The following DMD variants were observed in gnomAD, a reference collection of about 807,000 sequenced individuals.
DMD encodes mutant dystrophin.
DMD carries 63 observed loss-of-function variants against 330.1 expected under a neutral mutation model. The ratio of observed to expected loss-of-function variants is 0.19; its 90% CI spans 0.16 to 0.24. DMD has a LOEUF of 0.24. Among genes scored for constraint, DMD ranks in the 10% least tolerant of loss-of-function variants. DMD has a pLI of 1.00. For synonymous variants in DMD, 1,223 were observed against 959.8 expected (o/e 1.27, Z -5.07); for missense variants, 3,344 against 2,684.1 (o/e 1.25, Z -5.43).
chrX:32,707,270 C>A (rs1390742007), intron 7 of DMD, among the ~76,000 whole-genome samples: 1 of 112,026 alleles, frequency 8.9e-6, no homozygotes, highest in African/African-American at 3.2e-5. Context: ...AAGGAAGTTA[C>A]GAATAAATAA....
intron 43 of DMD, among the ~76,000 whole-genome samples, chrX:32,266,401 C>T (rs1157532531): frequency 1.8e-5 from 2 of 112,057 alleles, no homozygotes; most frequent in African/African-American, 3.2e-5. Flanking sequence ...TGAGAACAGA[C>T]TAATACAGAC....
chrX:32,099,463 T>C (rs775828005), intron 44 of DMD, among the ~76,000 whole-genome samples: 1 of 109,814 alleles, frequency 9.1e-6, no homozygotes, highest in South Asian at 4.0e-4. Context: ...TGCGGCTCTA[T>C]TCACAATAGC....
chrX:31,287,729 T>C lies in DMD; in HGVS notation c.9225-26713A>G, dbSNP rs1439309395. 5.3e-5 allele frequency among the ~76,000 whole-genome samples: 6 copies of C among 112,630 alleles called. No individual in the cohort carries two copies. The Admixed American group carries it at 5.6e-4, about 11-fold the overall frequency. ...AAGCTGATATCAGAATCCTTTGCCATGCTAGTTATAGGCATTTATTTATTT... is the reference window on the plus strand; with the variant it reads ...AAGCTGATATCAGAATCCTTTGCCACGCTAGTTATAGGCATTTATTTATTT... On this transcript the variant is annotated intron_variant, in intron 62 of 78. Transcript: ENST00000357033.
At chrX:31,144,273 C>G (rs190139912) in intron 76 of DMD, among the ~76,000 whole-genome samples, 2 of 111,380 alleles carry the variant, frequency 1.8e-5, no homozygotes, top group Non-Finnish European at 3.8e-5. Context: ...TCTTTTCCAT[C>G]CTGATCTACC....
At chrX:31,221,992 A>ACCAT (rs1281406696) in intron 64 of DMD, among the ~76,000 whole-genome samples, 3 of 110,920 alleles carry the variant, frequency 2.7e-5, no homozygotes, top group African/African-American at 6.6e-5. Flanking sequence ...GGAGATCGAG[A>ACCAT]CCATCCTGGC....
chrX:32,636,960 T>C (rs1483113872), intron 11 of DMD, among the ~76,000 whole-genome samples: 1 of 108,771 alleles, frequency 9.2e-6, no homozygotes, highest in Non-Finnish European at 1.9e-5. Context: ...ATAGCGCCAC[T>C]GCACTCCAGC....
chrX:31,667,356 T>C (rs1404326140), intron 53 of DMD, among the ~76,000 whole-genome samples: 2 of 111,845 alleles, frequency 1.8e-5, no homozygotes, highest in Non-Finnish European at 3.8e-5. Context: ...TTGGTTCTAC[T>C]TTTTGGCTAT....
intron 51 of DMD, among the ~76,000 whole-genome samples, chrX:31,741,727 G>A (rs113014784): frequency 8.2e-5 from 9 of 109,236 alleles, no homozygotes; most frequent in African/African-American, 3.0e-4. Context: ...AATGGTAAAC[G>A]AGCACTGGCT....
chrX:32,773,516 A>T (rs1344364246), intron 7 of DMD, among the ~76,000 whole-genome samples: 17 of 90,252 alleles, frequency 1.9e-4, no homozygotes, highest in Middle Eastern at 5.7e-3. Flanking sequence ...TATACTTTTT[A>T]TTTTTTTTTT....
intron 7 of DMD, among the ~76,000 whole-genome samples, chrX:32,728,413 G>C (rs1037758203): frequency 1.8e-5 from 2 of 111,615 alleles, no homozygotes; most frequent in Non-Finnish European, 3.8e-5. Context: ...TTCATAAATG[G>C]AGTCCAGGCA....
At chrX:31,332,837 G>A (rs144516438) in intron 61 of DMD, among the ~76,000 whole-genome samples, 1,392 of 111,482 alleles carry the variant, frequency 0.012, 14 homozygotes, top group African/African-American at 0.042. Flanking sequence ...CAACTCCTAC[G>A]TTTATAATTA....
chrX:32,418,476 T>C lies in DMD; in HGVS notation c.4072-6563A>G, dbSNP rs1450351086. Among the ~76,000 whole-genome samples the C allele has an allele frequency of 7.2e-5, 8 of 111,750 alleles. No individual in the cohort carries two copies. The Admixed American group carries it at 7.6e-4, about 11-fold the overall frequency. ...GCTTTTGTCTCATGCAACTGCAAGTTGCATGTTTTATATCCGTCTACCAAC... is the reference window on the plus strand; with the variant it reads ...GCTTTTGTCTCATGCAACTGCAAGTCGCATGTTTTATATCCGTCTACCAAC... On this transcript the variant is annotated intron_variant, in intron 29 of 78. Coordinates refer to ENST00000357033, the MANE Select transcript of DMD (RefSeq NM_004006.3).
At chrX:33,027,978 C>T (rs2094034125) in intron 1 of DMD, among the ~76,000 whole-genome samples, 1 of 111,819 alleles carries the variant, frequency 8.9e-6, no homozygotes, top group Non-Finnish European at 1.9e-5. Flanking sequence ...TTATCATCAA[C>T]CTATTTATGA....
intron 34 of DMD, among the ~76,000 whole-genome samples, chrX:32,374,637 T>A (rs1199794221): frequency 8.9e-6 from 1 of 111,857 alleles, no homozygotes; most frequent in African/African-American, 3.2e-5. Context: ...TATTTCTGAG[T>A]TCTCTATTCT....
intron 42 of DMD, among the ~76,000 whole-genome samples, chrX:32,290,752 T>C (rs1178313229): frequency 9.0e-6 from 1 of 111,560 alleles, no homozygotes; most frequent in Non-Finnish European, 1.9e-5. Context: ...TTAGTTTGCC[T>C]TTAAGAAGTT....
At chrX:32,405,622 G>A (rs1266443416) in intron 30 of DMD, among the ~76,000 whole-genome samples, 1 of 111,367 alleles carries the variant, frequency 9.0e-6, no homozygotes, top group Admixed American at 9.6e-5. Flanking sequence ...TTAAGACTGT[G>A]GTACCAGTAC....
chrX:32,635,732 T>G (rs1278993584), intron 11 of DMD, among the ~76,000 whole-genome samples: 1 of 111,779 alleles, frequency 8.9e-6, no homozygotes, highest in African/African-American at 3.3e-5. Context: ...ATTTATAACG[T>G]TTATCAAAGT....
intron 50 of DMD, among the ~76,000 whole-genome samples, chrX:31,815,457 A>AAAAAAAAAAAAAGAGAG (rs1391738015): frequency 9.1e-6 from 1 of 110,137 alleles, no homozygotes; most frequent in African/African-American, 3.3e-5. Context: ...CTCAAAAAAA[A>AAAAAAAAAAAAAGAGAG]AGAGAGAGAG....
intron 7 of DMD, among the ~76,000 whole-genome samples, chrX:32,730,941 C>G (rs2067527036): frequency 8.9e-6 from 1 of 111,837 alleles, no homozygotes; most frequent in South Asian, 3.7e-4. Flanking sequence ...CTCCGGTCTA[C>G]AGCTCCCAGA....
Sources: gnomAD v4.1 joint callset for allele counts (sites outside exome capture counted in the v4.1 genomes callset) on GRCh38, gnomAD v4.1.1 for gene constraint, MANE v1.5 for transcripts, NCBI Gene and HGNC (gene_info 2026-07-23, HGNC 2026-07-21) for gene names.